Variants in KCNJ3 observed in about 807,000 individuals in gnomAD.
KCNJ3 encodes G protein-activated inward rectifier potassium channel 1.
In KCNJ3, 4 loss-of-function variants were observed where a neutral mutation model predicts 39.2. The observed-to-expected ratio is 0.10, with a 90% confidence interval of 0.05 to 0.23. KCNJ3 has a LOEUF of 0.23. KCNJ3 is among the 10% of genes least tolerant of loss of function. The pLI, the probability that KCNJ3 is intolerant of heterozygous loss-of-function variation, is 1.00. For synonymous variants in KCNJ3, 230 were observed against 237.4 expected (o/e 0.97, Z 0.29); for missense variants, 276 against 634.9 (o/e 0.43, Z 6.08).
chr2:154,703,499 G>A (rs1404430480), intron 1 of KCNJ3, among the ~76,000 whole-genome samples: 2 of 151,718 alleles, frequency 1.3e-5, no homozygotes, highest in Admixed American at 6.6e-5. Flanking sequence ...GTGTGTGTGT[G>A]TGTGTGTATA....
At chr2:154,735,103 T>TGTGTGTGTG (rs1439368882) in intron 2 of KCNJ3, among the ~76,000 whole-genome samples, 5 of 95,236 alleles carry the variant, frequency 5.3e-5, no homozygotes, top group African/African-American at 1.9e-4. Flanking sequence ...GTGTGTGTGT[T>TGTGTGTGTG]TGAGACGGAG....
intron 2 of KCNJ3, among the ~76,000 whole-genome samples, chr2:154,727,209 T>C (rs1357010982): frequency 1.3e-5 from 2 of 152,156 alleles, no homozygotes; most frequent in East Asian, 3.9e-4. Context: ...TTCTTAACAA[T>C]ACTTTTAACT....
intron 2 of KCNJ3, among the ~76,000 whole-genome samples, chr2:154,761,062 CTTTTT>C (rs11375045): frequency 7.5e-6 from 1 of 133,936 alleles, no homozygotes; most frequent in Non-Finnish European, 1.6e-5. Flanking sequence ...TTAATTTTTT[CTTTTT>C]TTTTTTTTTT....
intron 2 of KCNJ3, among the ~76,000 whole-genome samples, chr2:154,754,146 C>T (rs1387340969): frequency 6.6e-6 from 1 of 152,190 alleles, no homozygotes; most frequent in Non-Finnish European, 1.5e-5. Context: ...AAATACTAAC[C>T]ATTAGCAAAT....
intron 2 of KCNJ3, among the ~76,000 whole-genome samples, chr2:154,827,891 C>A (rs1311789214): frequency 6.6e-6 from 1 of 152,082 alleles, no homozygotes; most frequent in Non-Finnish European, 1.5e-5. Context: ...TGTAACTTAA[C>A]AATTCTAATG....
At chr2:154,851,820 A>T (rs1439227987) in intron 2 of KCNJ3, among the ~76,000 whole-genome samples, 2 of 152,214 alleles carry the variant, frequency 1.3e-5, no homozygotes, top group Non-Finnish European at 2.9e-5. Flanking sequence ...TAAGTACCTT[A>T]ATAATTGATG....
intron 2 of KCNJ3, among the ~76,000 whole-genome samples, chr2:154,827,829 C>T (rs1166560155): frequency 1.3e-5 from 2 of 151,990 alleles, no homozygotes; most frequent in Non-Finnish European, 2.9e-5. Context: ...AATATAAACA[C>T]GTCTTAGTCA....
At position 154,767,186 on chromosome 2, in the gene KCNJ3, CTT is replaced by C. The variant is rs200514089; in HGVS notation, c.919+57375_919+57376del. ...TGCTAACTGCTAGTACATTCTTTAC[CTT>C]TTTTTTTAAAATTATACTTTAAGTT... On this transcript the variant is annotated intron_variant, in intron 2 of 2. Transcript: ENST00000295101. Among the ~76,000 whole-genome samples the C allele has an allele frequency of 3.1e-3, 461 of 148,884 alleles. 4 individuals are homozygous for C. Among genetic ancestry groups the C allele is most frequent in the African/African-American group, 0.011 (448 of 39,678 alleles).
In KCNJ3 at chr2:154,854,758, T is replaced by C. The variant is rs770542700; in HGVS notation, c.951T>C (p.Thr317=). The change falls in exon 3 of 3, where the codon ACT becomes ACC. Residue 317 remains threonine (T), a synonymous_variant. Coordinates refer to ENST00000295101, the MANE Select transcript of KCNJ3 (RefSeq NM_002239.4). ...GMTCQARTSY[T]EDEVLWGHRF... ...CTTGTCAAGCTCGAACATCATATAC[T>C]GAAGATGAAGTTCTTTGGGGTCATC... 3.1e-6 allele frequency: 5 copies of C among 1,613,330 alleles called. No individual in the cohort carries two copies. The highest frequency in any genetic ancestry group is 8.5e-7 in the Non-Finnish European group (1 of 1,179,600).
At chr2:154,794,819 A>C (rs1284072938) in intron 2 of KCNJ3, among the ~76,000 whole-genome samples, 1 of 152,030 alleles carries the variant, frequency 6.6e-6, no homozygotes, top group Middle Eastern at 3.2e-3. Context: ...GTTTGTGCAC[A>C]ATGCTGAGGC....
rs913722389 is a variant in KCNJ3, at chr2:154,751,647, T to G, written c.919+41828T>G. ...TATCCTCTAGAAAGAAAGGTTTTAT[T>G]TATTTCTATTATAGTAGTTTGTTAG... On this transcript the variant is annotated intron_variant, in intron 2 of 2. Transcript: ENST00000295101. Among the ~76,000 whole-genome samples, 6 of 152,250 alleles carry G rather than the reference T, an allele frequency of 3.9e-5. No homozygotes were observed. The South Asian group carries it at 1.2e-3, about 32-fold the overall frequency.
intron 2 of KCNJ3, among the ~76,000 whole-genome samples, chr2:154,742,129 A>G (rs1015150464): frequency 1.3e-5 from 2 of 151,900 alleles, no homozygotes; most frequent in Non-Finnish European, 2.9e-5. Context: ...AAGTGGAATC[A>G]TATAATATTT....
intron 2 of KCNJ3, among the ~76,000 whole-genome samples, chr2:154,734,669 G>A (rs1685495720): frequency 6.6e-6 from 1 of 152,140 alleles, no homozygotes; most frequent in Non-Finnish European, 1.5e-5. Flanking sequence ...GTTCTGTCCA[G>A]TTTTGTAAGA....
chr2:154,758,867 T>C (rs1023683613), intron 2 of KCNJ3, among the ~76,000 whole-genome samples: 2 of 152,222 alleles, frequency 1.3e-5, no homozygotes, highest in African/African-American at 4.8e-5. Context: ...AACCCACTTT[T>C]AAGGAAAAGG....
intron 2 of KCNJ3, among the ~76,000 whole-genome samples, chr2:154,838,182 G>A (rs1032314213): frequency 7.9e-5 from 12 of 152,244 alleles, no homozygotes; most frequent in African/African-American, 1.7e-4. Flanking sequence ...AGAGCATTTC[G>A]TCAGCCTTGA....
At chr2:154,825,596 G>A (rs1687257829) in intron 2 of KCNJ3, among the ~76,000 whole-genome samples, 1 of 149,706 alleles carries the variant, frequency 6.7e-6, no homozygotes, top group Non-Finnish European at 1.5e-5. Flanking sequence ...TATTTTTTGA[G>A]ACAAGGTCTT....
chr2:154,851,880 T>C (rs1422110569), intron 2 of KCNJ3, among the ~76,000 whole-genome samples: 3 of 152,122 alleles, frequency 2.0e-5, no homozygotes, highest in Non-Finnish European at 4.4e-5. Flanking sequence ...TTCCCAATTG[T>C]AATGGTAAAA....
intron 2 of KCNJ3, among the ~76,000 whole-genome samples, chr2:154,790,046 A>C (rs1054328504): frequency 1.3e-5 from 2 of 152,136 alleles, no homozygotes; most frequent in African/African-American, 4.8e-5. Context: ...AAAGGAAAGT[A>C]AATGATCCAA....
intron 2 of KCNJ3, among the ~76,000 whole-genome samples, chr2:154,756,526 C>A (rs1330307381): frequency 6.6e-6 from 1 of 151,790 alleles, no homozygotes; most frequent in Non-Finnish European, 1.5e-5. Flanking sequence ...CCCTAGACCC[C>A]CACCCCCTGA....
Sources: allele counts gnomAD v4.1 joint callset (sites outside exome capture counted in the v4.1 genomes callset), GRCh38; gene constraint gnomAD v4.1.1; transcripts MANE v1.5; gene names NCBI Gene and HGNC (gene_info 2026-07-23, HGNC 2026-07-21).